Variants in GDPD4 observed in about 807,000 individuals in gnomAD.
GDPD4 encodes glycerophosphodiester phosphodiesterase 6.
In GDPD4, 60 loss-of-function variants were observed where a neutral mutation model predicts 67.8. The observed-to-expected ratio is 0.88, with a 90% CI of 0.72 to 1.10. The LOEUF is 1.10. GDPD4 is among the 50% of genes least tolerant of loss of function. The probability of loss-of-function intolerance (pLI) is 0.00; values close to 1 mark genes in which losing one functional copy is unlikely to be tolerated. For synonymous variants in GDPD4, 212 were observed against 210.9 expected (o/e 1.00, Z -0.04); for missense variants, 623 against 613.9 (o/e 1.01, Z -0.16).
intron 10 of GDPD4, among the ~76,000 whole-genome samples, chr11:77,259,801 A>G (rs1309813913): frequency 6.6e-6 from 1 of 152,178 alleles, no homozygotes; most frequent in Non-Finnish European, 1.5e-5. Flanking sequence ...AAAATATGCA[A>G]AAGTCCATAA....
chr11:77,228,978 G>A (rs1207165939), intron 15 of GDPD4, among the ~76,000 whole-genome samples, 172 bp downstream of exon 15: 3 of 152,184 alleles, frequency 2.0e-5, no homozygotes, highest in Non-Finnish European at 4.4e-5. Flanking sequence ...TTATTTGGGG[G>A]AGGTCAAAGG....
chr11:77,228,650 C>T (rs186825800), intron 15 of GDPD4, among the ~76,000 whole-genome samples: 3 of 151,970 alleles, frequency 2.0e-5, no homozygotes, highest in African/African-American at 7.2e-5. Flanking sequence ...TGCATGCCAC[C>T]GCACTCCAGC....
chr11:77,218,324 T>C (rs925283299), intron 16 of GDPD4, among the ~76,000 whole-genome samples: 1 of 152,172 alleles, frequency 6.6e-6, no homozygotes, highest in Non-Finnish European at 1.5e-5. Context: ...TTTTCTGATA[T>C]ATTTTTCTGA....
At position 77,277,504 on chromosome 11, in the gene GDPD4, G is replaced by A. The variant is rs567793391; in HGVS notation, c.148-1284C>T. 6.3e-4 allele frequency among the ~76,000 whole-genome samples: 88 copies of A among 140,312 alleles called. 1 individual carries two copies. The highest frequency in any genetic ancestry group is 5.8e-3 in the Admixed American group (73 of 12,656). The allele number at this position is 140,312 out of a possible 152,430, so 92.1% of individuals were successfully genotyped here. A position where few individuals can be genotyped will look rare whatever the true frequency, so the allele number is the denominator to read the frequency against. On this transcript the variant is annotated intron_variant, in intron 4 of 16. Coordinates refer to ENST00000315938, the MANE Select transcript of GDPD4 (RefSeq NM_182833.3). The stretch of plus-strand genomic sequence containing the variant: ...TGCAAGCTCCGCCTCCCAGGTTCAC[G>A]CCATTCTCCTGCCTCAGCCTCCCGA...
Position 77,245,453 on chromosome 11 carries a change from C to T in GDPD4, c.914G>A (p.Arg305Lys), listed in dbSNP as rs771451998. 6.2e-6 allele frequency: 10 copies of T among 1,613,836 alleles called. No individual in the cohort carries two copies. Among genetic ancestry groups the T allele is most frequent in the Non-Finnish European group, 8.5e-6 (10 of 1,179,940 alleles). Residue 305 changes from arginine to lysine, a missense_variant, in exon 12 of 17, where the codon AGA becomes AAA. Physicochemically the swap from Arg to Lys is conservative, Grantham distance 26 (BLOSUM62 2). Transcript: ENST00000315938. ...MKPLSEADKE[R>K]ARNQSIPTLA... is the part of the protein sequence containing the mutation. ...TGTTGGAATTGACTGATTTCTTGCT[C>T]TTTCTTTATCTGCCTCTGATAGAGG...
chr11:77,278,146 T>A (rs1959579931), intron 4 of GDPD4, among the ~76,000 whole-genome samples: 1 of 152,144 alleles, frequency 6.6e-6, no homozygotes, highest in Admixed American at 6.5e-5. Flanking sequence ...GAGGAGTGCT[T>A]TACTTCTAAC....
At position 77,245,328 on chromosome 11, in the gene GDPD4, G is replaced by A. The variant is rs552942099; in HGVS notation, c.1039C>T (p.Arg347Cys). The stretch of plus-strand genomic sequence containing the variant: ...GCAAGGATCACGCTTACTACTTGGC[G>A]GACAAATGTGTGTCTGAGAGGATGT... ...PKHPLRHTFV[R>C]QVVSVILASK... The change falls in exon 12 of 17, where the codon CGC becomes TGC. Residue 347 changes from arginine to cysteine, a missense_variant. By Grantham distance (180) the Arg-to-Cys change is radical. Transcript: ENST00000315938. 51 of 1,614,124 alleles carry A rather than the reference G, an allele frequency of 3.2e-5. No homozygotes were observed. In the Admixed American group the frequency reaches 5.2e-4, roughly 16 times the overall value.
intron 4 of GDPD4, among the ~76,000 whole-genome samples, chr11:77,279,089 A>T (rs1959630153): frequency 6.6e-6 from 1 of 152,220 alleles, no homozygotes. Flanking sequence ...CTGGCAAGAC[A>T]CATCCTCTAA....
At chr11:77,239,033 G>A (rs1378719930) in intron 13 of GDPD4, among the ~76,000 whole-genome samples, 3 of 152,164 alleles carry the variant, frequency 2.0e-5, no homozygotes, top group Non-Finnish European at 4.4e-5. Context: ...TACAAGGAGG[G>A]TTCATCATAT....
At chr11:77,228,811 T>C (rs1157566912) in intron 15 of GDPD4, among the ~76,000 whole-genome samples, 1 of 152,212 alleles carries the variant, frequency 6.6e-6, no homozygotes, top group Non-Finnish European at 1.5e-5. Context: ...AACTTGCTCT[T>C]TGCACACTGC....
chr11:77,230,416 G>A (rs1157107840), intron 14 of GDPD4, among the ~76,000 whole-genome samples: 1 of 152,222 alleles, frequency 6.6e-6, no homozygotes, highest in Non-Finnish European at 1.5e-5. Context: ...AAAACTCAAT[G>A]AGGACAAAAT....
chr11:77,270,002 C>T (rs1273414791), intron 7 of GDPD4, 42 bp from the exon 8 acceptor site: 6 of 963,236 alleles, frequency 6.2e-6, no homozygotes, highest in African/African-American at 1.6e-5. Context: ...TCATTATTGT[C>T]CCCTTTAAGC....
chr11:77,270,641 G>A (rs1436626736), intron 7 of GDPD4, among the ~76,000 whole-genome samples: 4 of 152,124 alleles, frequency 2.6e-5, no homozygotes, highest in Non-Finnish European at 1.5e-5. Context: ...CCCAGGAGGC[G>A]GAGGTTGTAG....
At chr11:77,242,353 T>C (rs1473766315) in intron 13 of GDPD4, among the ~76,000 whole-genome samples, 1 of 152,212 alleles carries the variant, frequency 6.6e-6, no homozygotes, top group East Asian at 1.9e-4. Flanking sequence ...AACTTTGTAG[T>C]ATCACAAATA....
At chr11:77,289,138 G>C (rs1937672812) in intron 1 of GDPD4, among the ~76,000 whole-genome samples, 1 of 152,070 alleles carries the variant, frequency 6.6e-6, no homozygotes. Context: ...AAGGTGGATG[G>C]ATCATTTGAG....
chr11:77,231,431 T>A (rs949509674), intron 14 of GDPD4, among the ~76,000 whole-genome samples: 1 of 152,206 alleles, frequency 6.6e-6, no homozygotes, highest in Non-Finnish European at 1.5e-5. Flanking sequence ...CTCTGGAGTG[T>A]AGGCTTCCTG....
intron 14 of GDPD4, among the ~76,000 whole-genome samples, chr11:77,230,378 T>C (rs1223948915): frequency 2.6e-5 from 4 of 152,224 alleles, no homozygotes; most frequent in Non-Finnish European, 5.9e-5. Context: ...GTATGTCATT[T>C]TCAAAGAAAC....
In GDPD4 at chr11:77,216,724, A is replaced by G; in HGVS notation, c.*553T>C. The stretch of plus-strand genomic sequence containing the variant: ...ATGCATTCTTGATAGCGAGAGCACA[A>G]TGGTTCCCCTGAGAGCCTCCGTGGC... On this transcript the variant is annotated 3_prime_UTR_variant, in exon 17 of 17. Transcript: ENST00000315938. 5 of 586,536 alleles carry G rather than the reference A, an allele frequency of 8.5e-6. No individual in the cohort carries two copies. Among genetic ancestry groups the G allele is most frequent in the Admixed American group, 3.0e-5 (1 of 33,286 alleles). 36.3% of individuals were successfully genotyped at this position (586,536 alleles called of 1,614,324 possible). A position where few individuals can be genotyped will look rare whatever the true frequency, so the allele number is the denominator to read the frequency against.
In GDPD4 at chr11:77,269,002, C is replaced by T. The variant is rs1959192650; in HGVS notation, c.546G>A (p.Gly182=). The change falls in exon 9 of 17, where the codon GGG becomes GGA. Residue 182 remains glycine, a synonymous_variant. Coordinates refer to ENST00000315938, the MANE Select transcript of GDPD4 (RefSeq NM_182833.3). Reference sequence around the variant, plus strand: ...TCTCCTGAATGCAGGGAGAATAAATCCCCAGTGGCATCAAATAGAGACCTA... The same window carrying T: ...TCTCCTGAATGCAGGGAGAATAAATTCCCAGTGGCATCAAATAGAGACCTA... The part of the protein sequence containing the change: ...ILLGLYLMPL[G]IYSPCIQEKE... The T allele has an allele frequency of 6.2e-7, 1 of 1,613,680 alleles. No homozygotes were observed. The highest frequency in any genetic ancestry group is 1.3e-5 in the African/African-American group (1 of 74,886).
Sources: allele counts gnomAD v4.1 joint callset (sites outside exome capture counted in the v4.1 genomes callset), GRCh38; gene constraint gnomAD v4.1.1; transcripts MANE v1.5; gene names NCBI Gene and HGNC (gene_info 2026-07-23, HGNC 2026-07-21).